The following JAM3 variants were observed in gnomAD, a reference collection of about 807,000 sequenced individuals.
JAM3 encodes junctional adhesion molecule 3, also known as junctional adhesion molecule C.
A neutral mutation model predicts 39.4 loss-of-function variants in JAM3; 31 were observed. That is an observed-to-expected ratio of 0.79 (90% CI 0.59 to 1.06). The LOEUF is 1.06. JAM3 is among the 50% of genes least tolerant of loss of function. JAM3 has a pLI of 0.00. For synonymous variants in JAM3, 182 were observed against 148.7 expected (o/e 1.22, Z -1.63); for missense variants, 455 against 391.4 (o/e 1.16, Z -1.37).
chr11:134,084,618 C>A (rs867485357), intron 1 of JAM3, among the ~76,000 whole-genome samples: 1 of 152,162 alleles, frequency 6.6e-6, no homozygotes, highest in East Asian at 1.9e-4. Flanking sequence ...TTTGCTGTTA[C>A]TAACTGTGCT....
intron 1 of JAM3, among the ~76,000 whole-genome samples, chr11:134,094,167 A>G (rs1470097586): frequency 1.0e-3 from 91 of 90,806 alleles, no homozygotes; most frequent in Middle Eastern, 9.4e-3. Flanking sequence ...CCTGAGGGAA[A>G]CTTCTCCTGA....
At chr11:134,084,491 CAAATT>C (rs1187692869) in intron 1 of JAM3, among the ~76,000 whole-genome samples, 7 of 152,146 alleles carry the variant, frequency 4.6e-5, no homozygotes, top group Admixed American at 1.3e-4. Context: ...AAAAATAACA[CAAATT>C]AAAATTAATA....
chr11:134,098,001 A>G (rs1028943614), intron 1 of JAM3, among the ~76,000 whole-genome samples: 3 of 152,154 alleles, frequency 2.0e-5, no homozygotes, highest in African/African-American at 7.2e-5. Flanking sequence ...TCAGTCAGTG[A>G]AAAACCTATA....
At chr11:134,129,500 A>C (rs2120811672) in intron 1 of JAM3, among the ~76,000 whole-genome samples, 1 of 152,248 alleles carries the variant, frequency 6.6e-6, no homozygotes, top group Non-Finnish European at 1.5e-5. Context: ...TTACTGTCTC[A>C]AATTTAAAGC....
intron 1 of JAM3, among the ~76,000 whole-genome samples, chr11:134,136,559 G>A (rs1321129025): frequency 6.6e-6 from 1 of 152,188 alleles, no homozygotes; most frequent in African/African-American, 2.4e-5. Flanking sequence ...GAAGAATTGT[G>A]AGGAAGGACT....
At chr11:134,148,228 C>T (rs925695770) in intron 6 of JAM3, 8 of 388,636 alleles carry the variant, frequency 2.1e-5, no homozygotes, top group East Asian at 5.5e-5. Flanking sequence ...ATAACCATTT[C>T]CTCCATAAGT....
At chr11:134,107,190 G>C (rs2120709428) in intron 1 of JAM3, among the ~76,000 whole-genome samples, 1 of 152,282 alleles carries the variant, frequency 6.6e-6, no homozygotes, top group South Asian at 2.1e-4. Context: ...TCGGGATATG[G>C]ATGAAGCTGG....
intron 1 of JAM3, among the ~76,000 whole-genome samples, chr11:134,095,796 A>G (rs764020404): frequency 2.6e-5 from 4 of 152,214 alleles, no homozygotes; most frequent in Non-Finnish European, 5.9e-5. Context: ...CATCTTAGGA[A>G]GAAACTGAGT....
chr11:134,105,305 C>G (rs1242749791), intron 1 of JAM3, among the ~76,000 whole-genome samples: 2 of 152,268 alleles, frequency 1.3e-5, no homozygotes, highest in East Asian at 3.9e-4. Flanking sequence ...ATTCAACAGC[C>G]CTTCATGCTA....
chr11:134,082,721 T>G (rs1035574355), intron 1 of JAM3, among the ~76,000 whole-genome samples: 6 of 152,310 alleles, frequency 3.9e-5, no homozygotes, highest in African/African-American at 1.4e-4. Flanking sequence ...GGGTATGTCT[T>G]TATCAGCAGC....
At chr11:134,072,119 C>G (rs1262266062) in intron 1 of JAM3, among the ~76,000 whole-genome samples, 2 of 152,128 alleles carry the variant, frequency 1.3e-5, no homozygotes, top group Non-Finnish European at 2.9e-5. Context: ...AAGATGGCCA[C>G]ATAATGTAAC....
At chr11:134,121,385 G>C (rs1046299729) in intron 1 of JAM3, among the ~76,000 whole-genome samples, 13 of 151,810 alleles carry the variant, frequency 8.6e-5, no homozygotes, top group Admixed American at 3.3e-4. Flanking sequence ...CTGAGGAGCC[G>C]TGTGAGCTAG....
chr11:134,132,336 T>G (rs1218380757), intron 1 of JAM3, among the ~76,000 whole-genome samples: 1 of 152,138 alleles, frequency 6.6e-6, no homozygotes, highest in East Asian at 1.9e-4. Context: ...AAAACCATCC[T>G]TCAACTATGA....
chr11:134,099,869 T>A (rs929630910), intron 1 of JAM3, among the ~76,000 whole-genome samples: 1 of 152,188 alleles, frequency 6.6e-6, no homozygotes, highest in African/African-American at 2.4e-5. Context: ...CCTCCCAAAG[T>A]GCTGGGATTA....
intron 1 of JAM3, among the ~76,000 whole-genome samples, chr11:134,109,642 C>G (rs1245230572): frequency 6.6e-6 from 1 of 152,154 alleles, no homozygotes; most frequent in African/African-American, 2.4e-5. Context: ...GGTCAGTGGT[C>G]TGTGCCTTTT....
chr11:134,123,917 G>A (rs879036538), intron 1 of JAM3: 5 of 1,170,824 alleles, frequency 4.3e-6, no homozygotes, highest in Non-Finnish European at 5.1e-6. Context: ...TGGAATTGAA[G>A]GCCCCCCTTC....
chr11:134,116,492 C>A (rs1942436451), intron 1 of JAM3, among the ~76,000 whole-genome samples: 2 of 151,826 alleles, frequency 1.3e-5, no homozygotes, highest in South Asian at 4.2e-4. Context: ...AATTTTTTTT[C>A]TTAAAATCTT....
rs1433015415 is a variant in JAM3 at position 134,148,568 on chromosome 11, T to G, written c.734T>G (p.Ile245Ser). 6.2e-7 allele frequency: 1 copy of G among 1,614,108 alleles called. No individual in the cohort carries two copies. Among genetic ancestry groups the G allele is most frequent in the South Asian group, 1.1e-5 (1 of 91,072 alleles). Reference sequence around the variant, plus strand: ...TCAGATGACCTGAACATTGGCGGAATTATTGGGGGGGTTCTGGTTGTCCTT... The same window carrying G: ...TCAGATGACCTGAACATTGGCGGAAGTATTGGGGGGGTTCTGGTTGTCCTT... ...MEVYDLNIGG[I>S]IGGVLVVLAV... Residue 245 changes from isoleucine to serine, a missense_variant, in exon 7 of 9, where the codon ATT (isoleucine) becomes AGT (serine). Coordinates refer to ENST00000299106, the MANE Select transcript of JAM3 (RefSeq NM_032801.5).
chr11:134,140,933 G>T (rs990972495), intron 3 of JAM3, among the ~76,000 whole-genome samples, 163 bp downstream of exon 3: 4 of 149,952 alleles, frequency 2.7e-5, no homozygotes. Flanking sequence ...TCAAATATAT[G>T]CAAAAGTAAT....
Sources: gnomAD v4.1 joint callset for allele counts (sites outside exome capture counted in the v4.1 genomes callset) on GRCh38, gnomAD v4.1.1 for gene constraint, MANE v1.5 for transcripts, NCBI Gene and HGNC (gene_info 2026-07-23, HGNC 2026-07-21) for gene names.